Variants in EYS observed in about 807,000 individuals in gnomAD.
EYS encodes the protein EGF-like photoreceptor maintenance factor, also known as protein eyes shut homolog.
A neutral mutation model predicts 282.1 loss-of-function variants in EYS; 250 were observed. The ratio of observed to expected loss-of-function variants is 0.89; its 90% CI spans 0.80 to 0.98. EYS has a LOEUF of 0.98. EYS is among the 50% of genes least tolerant of loss of function. The pLI is 0.00. For synonymous variants in EYS, 1,355 were observed against 1,282.9 expected (o/e 1.06, Z -1.20); for missense variants, 4,016 against 3,709.0 (o/e 1.08, Z -2.15).
At chr6:65,503,671 A>C (rs1766543005) in intron 2 of EYS, among the ~76,000 whole-genome samples, 1 of 151,676 alleles carries the variant, frequency 6.6e-6, no homozygotes, top group South Asian at 2.1e-4. Context: ...TTTTATTTGC[A>C]TATGAATATC....
chr6:65,540,734 C>T (rs1251387147), intron 2 of EYS, among the ~76,000 whole-genome samples: 1 of 152,078 alleles, frequency 6.6e-6, no homozygotes, highest in Non-Finnish European at 1.5e-5. Context: ...GCCTGACTAA[C>T]ATGGTGAAAC....
chr6:65,370,997 C>T (rs1765121625), intron 8 of EYS, among the ~76,000 whole-genome samples: 1 of 150,596 alleles, frequency 6.6e-6, no homozygotes, highest in Non-Finnish European at 1.5e-5. Context: ...CAATAATTGT[C>T]AAGAAAAAAA....
intron 16 of EYS, among the ~76,000 whole-genome samples, chr6:64,908,236 T>C (rs1767889228): frequency 6.6e-6 from 1 of 152,096 alleles, no homozygotes; most frequent in Admixed American, 6.6e-5. Flanking sequence ...AGGACCTGGC[T>C]GGCCACTCCA....
At chr6:64,336,987 G>A (rs1047858447) in intron 29 of EYS, among the ~76,000 whole-genome samples, 8 of 152,014 alleles carry the variant, frequency 5.3e-5, no homozygotes, top group African/African-American at 1.9e-4. Flanking sequence ...GTGCTAAGAG[G>A]AAAGTTCATA....
intron 30 of EYS, among the ~76,000 whole-genome samples, chr6:64,300,389 C>T (rs990875236): frequency 2.6e-5 from 4 of 152,064 alleles, no homozygotes; most frequent in African/African-American, 9.7e-5. Context: ...TTCTTGTATA[C>T]AAGCGACATC....
chr6:64,551,511 A>AC lies in EYS; in HGVS notation c.5644+38711dup, dbSNP rs568778015. Among the ~76,000 whole-genome samples the AC allele has an allele frequency of 1.4e-4, 21 of 147,682 alleles. No individual in the cohort carries two copies. The South Asian group carries it at 3.9e-3, about 27-fold the overall frequency. ...TAAGCACCCCCAATCAACTGAAGAGACCCCTCATCTCAGCCAAGTGCATTC... is the reference window on the plus strand; with the variant it reads ...TAAGCACCCCCAATCAACTGAAGAGACCCCCTCATCTCAGCCAAGTGCATTC... On this transcript the variant is annotated intron_variant, in intron 26 of 42. Transcript: ENST00000503581.
chr6:64,760,972 G>A (rs9452663), intron 22 of EYS, among the ~76,000 whole-genome samples: 5,606 of 152,258 alleles, frequency 0.037, 339 homozygotes, highest in African/African-American at 0.13. Flanking sequence ...AGTAGGAGAA[G>A]CATGTTTTTT....
intron 14 of EYS, among the ~76,000 whole-genome samples, chr6:64,993,747 G>GA (rs986534132): frequency 9.7e-5 from 14 of 144,016 alleles, no homozygotes; most frequent in Admixed American, 1.4e-4. Context: ...CCAAAATAAT[G>GA]AAAAAAAAAT....
At chr6:64,097,426 A>C (rs1772665497) in intron 31 of EYS, among the ~76,000 whole-genome samples, 1 of 152,046 alleles carries the variant, frequency 6.6e-6, no homozygotes, top group Non-Finnish European at 1.5e-5. Context: ...TGGCTGCTTT[A>C]TTTACCTACT....
At chr6:64,444,779 T>C (rs1775065444) in intron 26 of EYS, among the ~76,000 whole-genome samples, 1 of 152,180 alleles carries the variant, frequency 6.6e-6, no homozygotes, top group African/African-American at 2.4e-5. Context: ...ATGAATGGCT[T>C]GGTGCCATCT....
intron 26 of EYS, among the ~76,000 whole-genome samples, chr6:64,500,323 T>G (rs1776999218): frequency 6.6e-6 from 1 of 152,164 alleles, no homozygotes; most frequent in East Asian, 1.9e-4. Flanking sequence ...TTATTAATTT[T>G]AAAGGACCAT....
intron 2 of EYS, among the ~76,000 whole-genome samples, chr6:65,562,302 C>T (rs1769094775): frequency 6.6e-6 from 1 of 151,990 alleles, no homozygotes; most frequent in Admixed American, 6.6e-5. Context: ...AATAATAAAA[C>T]ATATAGCAGG....
intron 30 of EYS, among the ~76,000 whole-genome samples, chr6:64,232,761 C>G (rs1202657289): frequency 6.6e-6 from 1 of 152,096 alleles, no homozygotes; most frequent in East Asian, 1.9e-4. Flanking sequence ...TTTTATAGCT[C>G]CATTATGTAA....
intron 2 of EYS, among the ~76,000 whole-genome samples, chr6:65,517,534 A>G (rs1293663117): frequency 6.6e-6 from 1 of 152,032 alleles, no homozygotes; most frequent in African/African-American, 2.4e-5. Context: ...TAAACAAACT[A>G]TTTTAAAATG....
At chr6:64,366,769 T>C (rs184856501) in intron 29 of EYS, among the ~76,000 whole-genome samples, 1 of 152,104 alleles carries the variant, frequency 6.6e-6, no homozygotes, top group Admixed American at 6.6e-5. Context: ...ATGTGGACAA[T>C]AGGAAGAAAA....
intron 33 of EYS, among the ~76,000 whole-genome samples, chr6:64,056,093 C>G (rs1211131938): frequency 6.6e-6 from 1 of 152,140 alleles, no homozygotes; most frequent in East Asian, 1.9e-4. Flanking sequence ...GCTGAGGCCT[C>G]TGGTGCAACT....
At chr6:64,997,043 T>C (rs1258242640) in intron 14 of EYS, among the ~76,000 whole-genome samples, 3 of 152,094 alleles carry the variant, frequency 2.0e-5, no homozygotes, top group African/African-American at 7.2e-5. Flanking sequence ...CCAAATCAAT[T>C]GCCAACCATG....
intron 22 of EYS, among the ~76,000 whole-genome samples, chr6:64,772,642 C>T (rs112703386): frequency 0.027 from 4,060 of 151,804 alleles, 79 homozygotes; most frequent in Middle Eastern, 0.051. Context: ...TTAACTATCC[C>T]TACGTACTCT....
intron 12 of EYS, among the ~76,000 whole-genome samples, chr6:65,278,899 A>G (rs906162902): frequency 3.3e-5 from 5 of 152,088 alleles, no homozygotes; most frequent in Admixed American, 6.6e-5. Context: ...ACATAATATG[A>G]TACCTGTGGC....
Sources: allele counts gnomAD v4.1 joint callset (sites outside exome capture counted in the v4.1 genomes callset), GRCh38; gene constraint gnomAD v4.1.1; transcripts MANE v1.5; gene names NCBI Gene and HGNC (gene_info 2026-07-23, HGNC 2026-07-21).